SLC17A2: variants seen among roughly 807,000 people sequenced by gnomAD.
The protein encoded by SLC17A2 is sodium-dependent phosphate transport protein 3.
SLC17A2 carries 38 observed loss-of-function variants against 52.1 expected under a neutral mutation model. The ratio of observed to expected loss-of-function variants is 0.73; its 90% CI spans 0.56 to 0.96. SLC17A2 has a LOEUF of 0.96. Ranked by LOEUF, SLC17A2 falls within the 40% of genes least tolerant of loss-of-function variation. The pLI, the probability that SLC17A2 is intolerant of heterozygous loss-of-function variation, is 0.00. For synonymous variants in SLC17A2, 226 were observed against 211.9 expected (o/e 1.07, Z -0.58); for missense variants, 508 against 583.9 (o/e 0.87, Z 1.34).
At chr6:25,919,590 C>T (rs986051284) in intron 5 of SLC17A2, among the ~76,000 whole-genome samples, 7 of 148,692 alleles carry the variant, frequency 4.7e-5, no homozygotes, top group Middle Eastern at 3.5e-3. Flanking sequence ...GTCCCAGCTA[C>T]TCGGGAGGCT....
At position 25,923,873 on chromosome 6, in the gene SLC17A2, G is replaced by T; in HGVS notation, c.62C>A (p.Ala21Asp). ...GAAGTTTGAGAAGTGCATGATAAGAGCCAGCCCATAGCGTAATGAACAGAA... is the reference window on the plus strand; with the variant it reads ...GAAGTTTGAGAAGTGCATGATAAGATCCAGCCCATAGCGTAATGAACAGAA... ...PDFCSLRYGL[A>D]LIMHFSNFTM... Residue 21 changes from alanine (A) to aspartate (D), a missense_variant, in exon 3 of 12, where the codon GCT becomes GAT. Ala to Asp is a moderately radical substitution (Grantham distance 126). Transcript: ENST00000377850. 1.9e-6 allele frequency: 3 copies of T among 1,614,184 alleles called. No homozygotes were observed. Among genetic ancestry groups the T allele is most frequent in the Non-Finnish European group, 1.7e-6 (2 of 1,180,028 alleles).
chr6:25,913,584 A>G, intron 11 of SLC17A2, 133 bp from the exon 12 acceptor site: 1 of 815,122 alleles, frequency 1.2e-6, no homozygotes, highest in South Asian at 2.2e-5. Context: ...GTTACTTAAG[A>G]AAGTTTATGA....
Position 25,918,450 on chromosome 6 carries a change from A to C in SLC17A2, c.649+37T>G, listed in dbSNP as rs1455268051. The C allele has an allele frequency of 2.1e-6, 3 of 1,416,240 alleles. No homozygotes were observed. The African/African-American group carries it at 4.2e-5, about 20-fold the overall frequency. 87.7% of individuals were successfully genotyped at this position (1,416,240 alleles called of 1,614,324 possible). A position where few individuals can be genotyped will look rare whatever the true frequency, so the allele number is the denominator to read the frequency against. ...GTAGGTGCCAAAATGGATGCTCAGG[A>C]AATGGAGGCGTTAGGATTTAAGAGA... On this transcript the variant is annotated intron_variant, in intron 6 of 11. Transcript: ENST00000377850.
intron 1 of SLC17A2, 50 bp from the exon 2 acceptor site, chr6:25,925,929 G>C: frequency 1.0e-6 from 1 of 968,808 alleles, no homozygotes; most frequent in Non-Finnish European, 1.7e-6. Context: ...ATTTCCCCTT[G>C]TTAATGTTGC....
chr6:25,923,963 C>T, intron 2 of SLC17A2, 57 bp from the exon 3 acceptor site: 2 of 1,372,332 alleles, frequency 1.5e-6, no homozygotes, highest in Non-Finnish European at 2.1e-6. Flanking sequence ...CCTTTCTTTT[C>T]CTTTCTCTCA....
intron 11 of SLC17A2, among the ~76,000 whole-genome samples, chr6:25,913,812 T>G (rs192626650): frequency 6.6e-6 from 1 of 152,206 alleles, no homozygotes; most frequent in Admixed American, 6.5e-5. Flanking sequence ...GTTTTGTTTT[T>G]TTTTGTTTCT....
At chr6:25,927,190 C>A (rs1156466548) in intron 1 of SLC17A2, among the ~76,000 whole-genome samples, 2 of 152,188 alleles carry the variant, frequency 1.3e-5, no homozygotes, top group Middle Eastern at 3.4e-3. Context: ...AATCTGTGAC[C>A]TTAGGATGAA....
Position 25,921,409 on chromosome 6 carries a change from A to G in SLC17A2, c.244T>C (p.Ser82Pro). ...GTTTCTGGGCTCCATTGATACACAGAGGCCTGGGGGAAAAATAGGAAAACT... is the reference window on the plus strand; with the variant it reads ...GTTTCTGGGCTCCATTGATACACAGGGGCCTGGGGGAAAAATAGGAAAACT... ...ISIKEFDTKA[S>P]VYQWSPETQG... is the part of the protein sequence containing the mutation. The change falls in exon 4 of 12, where the codon TCT becomes CCT. Residue 82 changes from serine to proline, a missense_variant. By Grantham distance (74) the Ser-to-Pro change is moderately conservative (BLOSUM62 -1). Coordinates refer to ENST00000377850, the MANE Select transcript of SLC17A2 (RefSeq NM_001286123.3). The G allele has an allele frequency of 6.2e-7, 1 of 1,607,052 alleles. No homozygotes were observed. The highest frequency in any genetic ancestry group is 8.5e-7 in the Non-Finnish European group (1 of 1,174,436).
intron 5 of SLC17A2, among the ~76,000 whole-genome samples, chr6:25,920,635 G>A (rs1766516376): frequency 1.3e-5 from 2 of 152,144 alleles, no homozygotes; most frequent in Non-Finnish European, 2.9e-5. Context: ...CTGGAGCTGT[G>A]GTAGCCTTAA....
In SLC17A2 at chr6:25,915,850, G is replaced by C. The variant is rs745705659; in HGVS notation, c.949C>G (p.Leu317Val). 2.5e-6 allele frequency: 4 copies of C among 1,614,024 alleles called. No homozygotes were observed. The highest frequency in any genetic ancestry group is 3.4e-6 in the Non-Finnish European group (4 of 1,179,966). ...CAGCTTGCAGCAGCAATAAAAGGCA[G>C]GGAGGACAGAACTCCACTCTGAAGG... ...NIRDSGVLSSLPFIAAASCTI... is the reference protein window; with the variant it reads ...NIRDSGVLSSVPFIAAASCTI... The change falls in exon 9 of 12, where the codon CTG becomes GTG. Residue 317 changes from leucine to valine, a missense_variant. Physicochemically the swap from Leu to Val is conservative, Grantham distance 32 (BLOSUM62 1). Transcript: ENST00000377850.
chr6:25,917,944 A>G (rs1766392992), intron 6 of SLC17A2, among the ~76,000 whole-genome samples: 1 of 152,214 alleles, frequency 6.6e-6, no homozygotes. Flanking sequence ...ATAATTACAC[A>G]CCAACATAAC....
At chr6:25,918,168 T>A (rs565063838) in intron 6 of SLC17A2, among the ~76,000 whole-genome samples, 1 of 152,342 alleles carries the variant, frequency 6.6e-6, no homozygotes, top group Non-Finnish European at 1.5e-5. Context: ...TAACTGCATA[T>A]AGCAGGCACT....
intron 5 of SLC17A2, among the ~76,000 whole-genome samples, chr6:25,920,522 A>T (rs1581566221): frequency 6.6e-6 from 1 of 152,298 alleles, no homozygotes; most frequent in East Asian, 1.9e-4. Flanking sequence ...TACTTATATG[A>T]GAGGGTTGTT....
Position 25,917,256 on chromosome 6 carries a change from T to C in SLC17A2, c.650-169A>G, listed in dbSNP as rs138788344. Among the ~76,000 whole-genome samples, 20 of 152,342 alleles carry C rather than the reference T, an allele frequency of 1.3e-4. No homozygotes were observed. The East Asian group carries it at 3.3e-3, about 25-fold the overall frequency. On this transcript the variant is annotated intron_variant, in intron 6 of 11. Coordinates refer to ENST00000377850, the MANE Select transcript of SLC17A2 (RefSeq NM_001286123.3). ...TTCTTTCAATCCTTCTACAAACCTG[T>C]TAAAGCTTTTTAGATATTACGTCTC...
At position 25,920,570 on chromosome 6, in the gene SLC17A2, C is replaced by G. The variant is rs1051166655; in HGVS notation, c.562+436G>C. On this transcript the variant is annotated intron_variant, in intron 5 of 11. Transcript: ENST00000377850. Reference sequence around the variant, plus strand: ...GAGCTCATAATAGAATAGTAAAGAGCTTAGAATAATACAGAAACTTCAAAC... The same window carrying G: ...GAGCTCATAATAGAATAGTAAAGAGGTTAGAATAATACAGAAACTTCAAAC... Among the ~76,000 whole-genome samples, 83 of 152,158 alleles carry G rather than the reference C, an allele frequency of 5.5e-4. 1 individual carries two copies. Among genetic ancestry groups the G allele is most frequent in the Admixed American group, 5.4e-3 (83 of 15,280 alleles).
Position 25,915,832 on chromosome 6 carries a change from C to T in SLC17A2, c.967G>A (p.Ala323Thr). 1 of 1,614,040 alleles carries T rather than the reference C, an allele frequency of 6.2e-7. No individual in the cohort carries two copies. The highest frequency in any genetic ancestry group is 8.5e-7 in the Non-Finnish European group (1 of 1,179,946). Reference protein sequence around the residue: ...VLSSLPFIAAASCTILGGQLA... With the variant: ...VLSSLPFIAATSCTILGGQLA... Reference sequence around the variant, plus strand: ...TGACCTCCTAAAATTGTACAGCTTGCAGCAGCAATAAAAGGCAGGGAGGAC... The same window carrying T: ...TGACCTCCTAAAATTGTACAGCTTGTAGCAGCAATAAAAGGCAGGGAGGAC... The change falls in exon 9 of 12, where the codon GCA (alanine) becomes ACA (threonine). Residue 323 changes from alanine (A) to threonine (T), a missense_variant. Ala to Thr is a moderately conservative substitution (Grantham distance 58). Coordinates refer to ENST00000377850, the MANE Select transcript of SLC17A2 (RefSeq NM_001286123.3).
rs1766735592 is a variant in SLC17A2 at position 25,925,654 on chromosome 6, A to G, written c.28+115T>C. On this transcript the variant is annotated intron_variant, in intron 2 of 11. Coordinates refer to ENST00000377850, the MANE Select transcript of SLC17A2 (RefSeq NM_001286123.3). ...AGGATCAGGGGCTGGAGCTGGCTCC[A>G]ATGTTACACTGGGAGTATCTTTACG... The G allele has an allele frequency of 3.1e-6, 3 of 981,674 alleles. No individual in the cohort carries two copies. The South Asian group carries it at 3.8e-5, about 13-fold the overall frequency. The allele number at this position is 981,674 out of a possible 1,614,324, so 60.8% of individuals were successfully genotyped here. A position where few individuals can be genotyped will look rare whatever the true frequency, so the allele number is the denominator to read the frequency against.
chr6:25,925,163 G>C (rs1766711663), intron 2 of SLC17A2, among the ~76,000 whole-genome samples: 1 of 152,184 alleles, frequency 6.6e-6, no homozygotes, highest in Non-Finnish European at 1.5e-5. Flanking sequence ...TCAGGAGAAA[G>C]AGCCAGCCGC....
At chr6:25,927,956 T>C (rs1236587539) in intron 1 of SLC17A2, among the ~76,000 whole-genome samples, 3 of 152,340 alleles carry the variant, frequency 2.0e-5, no homozygotes, top group Non-Finnish European at 2.9e-5. Context: ...TCACTTTTTA[T>C]GCAAGATCCC....
Sources: gnomAD v4.1 joint callset for allele counts (sites outside exome capture counted in the v4.1 genomes callset) on GRCh38, gnomAD v4.1.1 for gene constraint, MANE v1.5 for transcripts, NCBI Gene and HGNC (gene_info 2026-07-23, HGNC 2026-07-21) for gene names.